TTC29: variants seen among roughly 807,000 people sequenced by gnomAD.
TTC29 encodes the protein tetratricopeptide repeat protein 29.
In TTC29, 49 loss-of-function variants were observed where a neutral mutation model predicts 58.1. The observed-to-expected ratio is 0.84, with a 90% CI of 0.67 to 1.07. The LOEUF (loss-of-function observed/expected upper bound fraction) is 1.07. TTC29 is among the 50% of genes least tolerant of loss of function. The pLI is 0.00. For missense variants in TTC29, 582 were observed against 555.6 expected (o/e 1.05, Z -0.48); for synonymous variants, 209 against 196.8 (o/e 1.06, Z -0.52).
chr4:146,865,921 A>C (rs1439209341), intron 8 of TTC29, among the ~76,000 whole-genome samples: 1 of 152,212 alleles, frequency 6.6e-6, no homozygotes, highest in Non-Finnish European at 1.5e-5. Context: ...TGGAAAAATT[A>C]AAATAATAAA....
intron 1 of TTC29, among the ~76,000 whole-genome samples, 174 bp from the exon 2 acceptor site, chr4:146,945,251 T>C (rs1736820962): frequency 6.6e-6 from 1 of 152,226 alleles, no homozygotes; most frequent in Non-Finnish European, 1.5e-5. Flanking sequence ...ATAGATCCTA[T>C]GAGAGAAACT....
At chr4:146,821,890 T>A (rs1751857642) in intron 9 of TTC29, among the ~76,000 whole-genome samples, 1 of 151,654 alleles carries the variant, frequency 6.6e-6, no homozygotes, top group South Asian at 2.1e-4. Flanking sequence ...TATAAATTCA[T>A]ACATGGGATC....
In TTC29 at chr4:146,909,225, A is replaced by G. The variant is rs547249425; in HGVS notation, c.201T>C (p.Asn67=). 3.7e-6 allele frequency: 6 copies of G among 1,613,038 alleles called. No homozygotes were observed. Among genetic ancestry groups the G allele is most frequent in the Non-Finnish European group, 4.2e-6 (5 of 1,179,506 alleles). Residue 67 remains asparagine, a synonymous_variant, in exon 5 of 13, where the codon AAT becomes AAC. Coordinates refer to ENST00000325106, the MANE Select transcript of TTC29 (RefSeq NM_031956.4). ...CATCTCGCAGCATGTCCACACAGAT[A>G]TTCTTCTTGTAGGAGTTCCTATAAC... ...VAAYRNSYKK[N]ICVDMLRDGY...
At chr4:146,760,991 T>C in intron 11 of TTC29, among the ~76,000 whole-genome samples, 1 of 151,582 alleles carries the variant, frequency 6.6e-6, no homozygotes, top group Non-Finnish European at 1.5e-5. Context: ...AACTCAGGAA[T>C]GGAAAATCAA....
At chr4:146,871,164 GC>G (rs1730902918) in intron 7 of TTC29, among the ~76,000 whole-genome samples, 1 of 151,928 alleles carries the variant, frequency 6.6e-6, no homozygotes, top group Admixed American at 6.6e-5. Flanking sequence ...GCCCAGCGAT[GC>G]AAGGTTGGTT....
chr4:146,749,064 T>C (rs1363756415), intron 11 of TTC29, among the ~76,000 whole-genome samples: 1 of 151,750 alleles, frequency 6.6e-6, no homozygotes, highest in African/African-American at 2.4e-5. Context: ...ATGCCTGTAA[T>C]CCCAGTGTTT....
At chr4:146,763,823 C>A (rs1007034731) in intron 11 of TTC29, 1 of 151,994 alleles carries the variant, frequency 6.6e-6, no homozygotes, top group African/African-American at 2.4e-5. Context: ...CAGACTTCAC[C>A]AGAAAGCCTC....
chr4:146,839,444 G>A (rs915422030), intron 8 of TTC29, among the ~76,000 whole-genome samples: 1 of 151,636 alleles, frequency 6.6e-6, no homozygotes, highest in Non-Finnish European at 1.5e-5. Context: ...AATGTCACGG[G>A]TAACCCCCAA....
At chr4:146,887,490 A>G (rs1015257579) in intron 6 of TTC29, among the ~76,000 whole-genome samples, 2 of 152,092 alleles carry the variant, frequency 1.3e-5, no homozygotes, top group Non-Finnish European at 2.9e-5. Flanking sequence ...AGGGCCTGAT[A>G]TGGATATTAG....
chr4:146,926,001 T>C (rs1353918431), intron 4 of TTC29, among the ~76,000 whole-genome samples: 1 of 152,198 alleles, frequency 6.6e-6, no homozygotes, highest in African/African-American at 2.4e-5. Context: ...TGCCTTCGTC[T>C]CTGGGAGTAA....
chr4:146,816,469 G>A (rs1369348638), intron 10 of TTC29, among the ~76,000 whole-genome samples: 2 of 152,056 alleles, frequency 1.3e-5, no homozygotes, highest in African/African-American at 4.8e-5. Flanking sequence ...CAAAACCTGA[G>A]CACAGCTAGA....
chr4:146,905,194 C>T (rs1318098934), intron 5 of TTC29, among the ~76,000 whole-genome samples: 1 of 152,070 alleles, frequency 6.6e-6, no homozygotes, highest in Non-Finnish European at 1.5e-5. Flanking sequence ...GAACTTCCTA[C>T]ATAATGTGAA....
At chr4:146,757,538 A>AG (rs34876170) in intron 11 of TTC29, among the ~76,000 whole-genome samples, 2 of 152,200 alleles carry the variant, frequency 1.3e-5, no homozygotes, top group Non-Finnish European at 2.9e-5. Context: ...AGTTAAGATG[A>AG]GGAGAAGAAT....
intron 6 of TTC29, among the ~76,000 whole-genome samples, chr4:146,901,727 T>C (rs1408649432): frequency 1.3e-5 from 2 of 152,234 alleles, no homozygotes; most frequent in African/African-American, 4.8e-5. Context: ...TCTCACCTTA[T>C]AATAGATAAG....
intron 12 of TTC29, 105 bp downstream of exon 12, chr4:146,707,372 GGTTATCAA>G: frequency 1.2e-6 from 1 of 820,390 alleles, no homozygotes; most frequent in Non-Finnish European, 1.9e-6. Flanking sequence ...TCACTATTAA[GGTTATCAA>G]GTGCTGGATG....
chr4:146,885,272 A>C, intron 6 of TTC29, among the ~76,000 whole-genome samples: 1 of 152,138 alleles, frequency 6.6e-6, no homozygotes, highest in Middle Eastern at 3.2e-3. Context: ...CAAAAATAAA[A>C]TGCAATATAA....
At chr4:146,944,383 G>T (rs1736725656) in intron 2 of TTC29, 1 of 152,216 alleles carries the variant, frequency 6.6e-6, no homozygotes, top group South Asian at 2.1e-4. Context: ...AGAAATACAG[G>T]ATGAAAGGTT....
intron 6 of TTC29, among the ~76,000 whole-genome samples, chr4:146,883,330 C>A (rs1401868564): frequency 6.6e-6 from 1 of 151,898 alleles, no homozygotes; most frequent in Admixed American, 6.6e-5. Flanking sequence ...TTGTTAGCAC[C>A]TTGCTCAGTG....
chr4:146,929,137 G>A (rs72960364), intron 4 of TTC29, among the ~76,000 whole-genome samples: 26,266 of 151,976 alleles, frequency 0.17, 3,786 homozygotes, highest in African/African-American at 0.39. Flanking sequence ...AAATTTTCCA[G>A]CAACACAAAT....
Sources: gnomAD v4.1 joint callset for allele counts (sites outside exome capture counted in the v4.1 genomes callset) on GRCh38, gnomAD v4.1.1 for gene constraint, MANE v1.5 for transcripts, NCBI Gene and HGNC (gene_info 2026-07-23, HGNC 2026-07-21) for gene names.